CNOT6: variants seen among roughly 807,000 people sequenced by gnomAD.
CNOT6 encodes CCR4-NOT transcription complex subunit 6, also known as carbon catabolite repression 4 protein.
In CNOT6, 12 loss-of-function variants were observed where a neutral mutation model predicts 61.2. The ratio of observed to expected loss-of-function variants is 0.20; its 90% CI spans 0.13 to 0.32. The LOEUF is 0.32. Among genes scored for constraint, CNOT6 ranks in the 10% least tolerant of loss-of-function variants. The pLI is 1.00. For missense variants in CNOT6, 405 were observed against 663.9 expected (o/e 0.61, Z 4.28); for synonymous variants, 225 against 240.6 (o/e 0.94, Z 0.60).
At chr5:180,558,447 C>A (rs1760007471) in intron 4 of CNOT6, among the ~76,000 whole-genome samples, 1 of 151,060 alleles carries the variant, frequency 6.6e-6, no homozygotes, top group African/African-American at 2.4e-5. Context: ...AAAGCCGCGG[C>A]CTGGTATCTA....
intron 3 of CNOT6, among the ~76,000 whole-genome samples, chr5:180,552,450 G>A (rs1759659631): frequency 6.6e-6 from 1 of 151,558 alleles, no homozygotes; most frequent in Non-Finnish European, 1.5e-5. Context: ...GACCATCCTG[G>A]CTAACACGGT....
rs1453047081 is a variant in CNOT6, at chr5:180,575,705, T to C, written c.*1505T>C. ...CTTTGCAAAGTGAACATGTACATGG[T>C]CTGCTCTCATTTATTCATTCTTCTC... On this transcript the variant is annotated 3_prime_UTR_variant, in exon 12 of 12. Coordinates refer to ENST00000261951, the MANE Select transcript of CNOT6 (RefSeq NM_001370472.1). 6.6e-6 allele frequency: 1 copy of C among 152,618 alleles called. No homozygotes were observed. The highest frequency in any genetic ancestry group is 1.5e-5 in the Non-Finnish European group (1 of 68,032). The allele number at this position is 152,618 out of a possible 1,614,324, so 9.5% of individuals were successfully genotyped here. A position where few individuals can be genotyped will look rare whatever the true frequency, so the allele number is the denominator to read the frequency against.
chr5:180,509,097 G>C (rs979160685), intron 1 of CNOT6, among the ~76,000 whole-genome samples: 94 of 152,098 alleles, frequency 6.2e-4, no homozygotes, highest in African/African-American at 2.0e-3. Flanking sequence ...TGTGATTACA[G>C]GTGTGAGCCA....
chr5:180,536,288 C>T (rs769028287), intron 2 of CNOT6, among the ~76,000 whole-genome samples: 14 of 151,924 alleles, frequency 9.2e-5, no homozygotes, highest in South Asian at 4.1e-4. Flanking sequence ...TGTGAGCCAC[C>T]GTGCCTGGCC....
chr5:180,537,898 T>G (rs1758793554), intron 2 of CNOT6, among the ~76,000 whole-genome samples: 1 of 152,002 alleles, frequency 6.6e-6, no homozygotes, highest in African/African-American at 2.4e-5. Flanking sequence ...TTCAGATCTT[T>G]TAAGTATTCG....
intron 1 of CNOT6, among the ~76,000 whole-genome samples, chr5:180,505,439 A>G (rs1345792621): frequency 8.0e-5 from 11 of 136,934 alleles, no homozygotes; most frequent in Non-Finnish European, 1.5e-5. Flanking sequence ...TTGTATTTTT[A>G]GTAGAGACGG....
At chr5:180,509,823 T>G (rs1757297999) in intron 1 of CNOT6, among the ~76,000 whole-genome samples, 1 of 145,624 alleles carries the variant, frequency 6.9e-6, no homozygotes, top group Non-Finnish European at 1.5e-5. Context: ...TTTTGATACC[T>G]TGGTGTTTTT....
intron 2 of CNOT6, chr5:180,534,051 C>T (rs1758542004): frequency 6.5e-6 from 1 of 152,854 alleles, no homozygotes; most frequent in African/African-American, 2.4e-5. Flanking sequence ...ACAATATTCT[C>T]CCAATGAAGG....
At chr5:180,521,824 A>G (rs1329910336) in intron 1 of CNOT6, among the ~76,000 whole-genome samples, 1 of 152,200 alleles carries the variant, frequency 6.6e-6, no homozygotes, top group East Asian at 1.9e-4. Flanking sequence ...TTCACTTAGG[A>G]TAATAGCCTC....
chr5:180,517,199 G>A (rs934433231), intron 1 of CNOT6, among the ~76,000 whole-genome samples: 2 of 152,116 alleles, frequency 1.3e-5, no homozygotes, highest in Non-Finnish European at 2.9e-5. Flanking sequence ...GCGCAATGGC[G>A]TGATCACTGC....
At chr5:180,558,524 A>AAAC (rs1331906630) in intron 4 of CNOT6, among the ~76,000 whole-genome samples, 111 of 151,368 alleles carry the variant, frequency 7.3e-4, no homozygotes, top group Non-Finnish European at 1.5e-3. Flanking sequence ...AAAAAAAACA[A>AAAC]AAAACCTGCT....
intron 2 of CNOT6, among the ~76,000 whole-genome samples, chr5:180,543,814 T>A (rs533723743): frequency 2.6e-5 from 4 of 152,132 alleles, no homozygotes; most frequent in Non-Finnish European, 5.9e-5. Flanking sequence ...ATTTTTAATA[T>A]GACTTTTTTT....
intron 3 of CNOT6, among the ~76,000 whole-genome samples, chr5:180,552,938 C>A (rs1487375471): frequency 6.7e-6 from 1 of 150,360 alleles, no homozygotes; most frequent in Non-Finnish European, 1.5e-5. Flanking sequence ...CATTTTAGTT[C>A]TCTTTTAAGA....
At chr5:180,569,003 T>C in intron 9 of CNOT6, 107 bp from the exon 10 acceptor site, 1 of 807,502 alleles carries the variant, frequency 1.2e-6, no homozygotes, top group Non-Finnish European at 1.9e-6. Context: ...TAGGTGTCTT[T>C]TCTATTCTGG....
In CNOT6 at chr5:180,553,460, T is replaced by A. The variant is rs765028076; in HGVS notation, c.374T>A (p.Leu125Ter). 1.2e-6 allele frequency: 2 copies of A among 1,613,020 alleles called. No individual in the cohort carries two copies. The highest frequency in any genetic ancestry group is 1.7e-6 in the Non-Finnish European group (2 of 1,179,040). The change falls in exon 4 of 12, where the codon TTA (leucine) becomes TAA (stop). Residue 125 changes from leucine (L) to a stop codon, truncating the protein, a stop_gained. Coordinates refer to ENST00000261951, the MANE Select transcript of CNOT6 (RefSeq NM_001370472.1). LOFTEE classifies it high-confidence loss of function. ...ELGKLFQLQT[L>*]GLKGNPLTQD... ...GGAAAACTGTTTCAGTTGCAGACTTTAGGCCTGAAAGGTATGACTTCCATA... is the reference window on the plus strand; with the variant it reads ...GGAAAACTGTTTCAGTTGCAGACTTAAGGCCTGAAAGGTATGACTTCCATA...
At chr5:180,567,061 A>G (rs1212090684) in intron 7 of CNOT6, 27 bp from the exon 8 acceptor site, 2 of 1,578,352 alleles carry the variant, frequency 1.3e-6, no homozygotes, top group South Asian at 2.4e-5. Flanking sequence ...GTCTTATGAA[A>G]TAACTGTGCT....
intron 1 of CNOT6, among the ~76,000 whole-genome samples, chr5:180,512,525 AATC>A (rs753689065): frequency 2.6e-5 from 4 of 152,234 alleles, no homozygotes; most frequent in Admixed American, 6.5e-5. Context: ...GATGATATAG[AATC>A]ATCATTTTAA....
chr5:180,568,763 G>A (rs1176186241), intron 9 of CNOT6, among the ~76,000 whole-genome samples: 2 of 152,110 alleles, frequency 1.3e-5, no homozygotes, highest in African/African-American at 2.4e-5. Context: ...CTTAACGATT[G>A]TCTTAAATCT....
intron 11 of CNOT6, among the ~76,000 whole-genome samples, chr5:180,573,762 T>C (rs1760882553): frequency 6.6e-6 from 1 of 152,134 alleles, no homozygotes; most frequent in South Asian, 2.1e-4. Flanking sequence ...AAAGGCCTTT[T>C]AGGTCTTGTT....
Sources: gnomAD v4.1 joint callset for allele counts (sites outside exome capture counted in the v4.1 genomes callset) on GRCh38, gnomAD v4.1.1 for gene constraint, MANE v1.5 for transcripts, NCBI Gene and HGNC (gene_info 2026-07-23, HGNC 2026-07-21) for gene names.